The following ANKH variants were observed in gnomAD, a reference collection of about 807,000 sequenced individuals.
The protein encoded by ANKH is ANKH inorganic pyrophosphate transport regulator, also known as mineralization regulator ANKH.
A neutral mutation model predicts 49.0 loss-of-function variants in ANKH; 15 were observed. The observed-to-expected ratio is 0.31, with a 90% CI of 0.20 to 0.47. The LOEUF is 0.47. Among genes scored for constraint, ANKH ranks in the 20% least tolerant of loss-of-function variants. ANKH has a pLI of 1.00. For missense variants in ANKH, 429 were observed against 652.0 expected, an observed-to-expected ratio of 0.66 and a Z score of 3.72; for synonymous variants, 273 against 260.0, an observed-to-expected ratio of 1.05 and a Z score of -0.48.
chr5:14,860,107 T>A (rs1323793525), intron 1 of ANKH, among the ~76,000 whole-genome samples: 1 of 152,034 alleles, frequency 6.6e-6, no homozygotes, highest in Admixed American at 6.5e-5. Context: ...TGCGTGGGGG[T>A]ACAAATGAGG....
At chr5:14,728,846 C>T (rs115122589) in intron 8 of ANKH, among the ~76,000 whole-genome samples, 7,204 of 152,252 alleles carry the variant, frequency 0.047, 255 homozygotes, top group Non-Finnish European at 0.072. Flanking sequence ...CTTACTGAGA[C>T]GCAGCTGCAA....
intron 1 of ANKH, among the ~76,000 whole-genome samples, chr5:14,824,068 G>A (rs1356378223): frequency 6.6e-6 from 1 of 152,130 alleles, no homozygotes; most frequent in Non-Finnish European, 1.5e-5. Flanking sequence ...TCAGATAGCT[G>A]TGACTGCAGA....
intron 2 of ANKH, among the ~76,000 whole-genome samples, chr5:14,761,620 T>A (rs534120487): frequency 2.0e-5 from 3 of 151,932 alleles, no homozygotes; most frequent in Non-Finnish European, 4.4e-5. Flanking sequence ...TGAAGCCACT[T>A]GCTATGTGCG....
intron 1 of ANKH, among the ~76,000 whole-genome samples, chr5:14,783,160 C>G (rs939284064): frequency 6.6e-6 from 1 of 151,878 alleles, no homozygotes; most frequent in African/African-American, 2.4e-5. Flanking sequence ...TAAAAGCAGT[C>G]ATTAAACAAG....
chr5:14,711,318 AAAG>A lies in ANKH; in HGVS notation c.1366-11_1366-9del. The A allele has an allele frequency of 6.2e-7, 1 of 1,612,350 alleles. No homozygotes were observed. Among genetic ancestry groups the A allele is most frequent in the Non-Finnish European group, 8.5e-7 (1 of 1,178,420 alleles). On this transcript the variant is annotated splice_polypyrimidine_tract_variant and intron_variant, in intron 11 of 11. Coordinates refer to ENST00000284268, the MANE Select transcript of ANKH (RefSeq NM_054027.6). ...ATTCTCCATCTTCTTTTTCTAGACC[AAAG>A]AAGACTCATCAGTGTGGGGCTGTGG...
At chr5:14,744,832 A>G (rs1043202602) in intron 7 of ANKH, among the ~76,000 whole-genome samples, 4 of 152,232 alleles carry the variant, frequency 2.6e-5, no homozygotes, top group Non-Finnish European at 5.9e-5. Flanking sequence ...GCTGGTGGCC[A>G]CGTGAAGGAA....
At chr5:14,870,779 G>GAAAT in intron 1 of ANKH, 1 of 142,074 alleles carries the variant, frequency 7.0e-6, no homozygotes, top group South Asian at 2.1e-4. Context: ...AAGAAAGAAA[G>GAAAT]AAAGAAAGAA....
In ANKH at chr5:14,814,091, C is replaced by T. The variant is rs925482749; in HGVS notation, c.97-44900G>A. Among the ~76,000 whole-genome samples, 5 of 152,326 alleles carry T rather than the reference C, an allele frequency of 3.3e-5. No individual in the cohort carries two copies. The Middle Eastern group carries it at 0.01, about 311-fold the overall frequency. Reference sequence around the variant, plus strand: ...TCAGATGCTAACATCCTCGAGACAGCGTTCCATCTCACACACCAGAATCAA... The same window carrying T: ...TCAGATGCTAACATCCTCGAGACAGTGTTCCATCTCACACACCAGAATCAA... On this transcript the variant is annotated intron_variant, in intron 1 of 11. Transcript: ENST00000284268.
intron 1 of ANKH, among the ~76,000 whole-genome samples, chr5:14,772,906 C>T (rs1739493122): frequency 6.6e-6 from 1 of 152,262 alleles, no homozygotes; most frequent in Admixed American, 6.5e-5. Flanking sequence ...TAGTTCCAGT[C>T]AGCACGAAGC....
rs1050476004 is a variant in ANKH, at chr5:14,777,438, C to T, written c.97-8247G>A. Among the ~76,000 whole-genome samples, 11 of 152,240 alleles carry T rather than the reference C, an allele frequency of 7.2e-5. No individual in the cohort carries two copies. In the East Asian group the frequency reaches 2.1e-3, roughly 29 times the overall value. On this transcript the variant is annotated intron_variant, in intron 1 of 11. Transcript: ENST00000284268. ...TTTCCACAGTAAGTTAACAAAACCA[C>T]AGGATATTAAAAAGTAAAAAATATA...
chr5:14,740,783 C>T (rs1249016404), intron 8 of ANKH, among the ~76,000 whole-genome samples: 8 of 152,326 alleles, frequency 5.3e-5, no homozygotes, highest in African/African-American at 1.4e-4. Flanking sequence ...CTTGTGATGA[C>T]GGTAAGAAGG....
chr5:14,724,528 G>A, intron 8 of ANKH: 2 of 984,978 alleles, frequency 2.0e-6, no homozygotes, highest in Non-Finnish European at 2.4e-6. Flanking sequence ...GAAATCGCCA[G>A]CTTTACAGAC....
chr5:14,847,314 T>C (rs1359510028), intron 1 of ANKH, among the ~76,000 whole-genome samples: 4 of 152,146 alleles, frequency 2.6e-5, no homozygotes, highest in African/African-American at 9.7e-5. Context: ...GGTTTGGAAA[T>C]AAAGTCTCCT....
chr5:14,817,929 T>C (rs111829192), intron 1 of ANKH, among the ~76,000 whole-genome samples: 2,911 of 152,118 alleles, frequency 0.019, 70 homozygotes, highest in African/African-American at 0.053. Context: ...CCAGGCATGA[T>C]AGTGTGGGCC....
At chr5:14,730,048 A>G (rs1190588914) in intron 8 of ANKH, among the ~76,000 whole-genome samples, 3 of 152,224 alleles carry the variant, frequency 2.0e-5, no homozygotes, top group Non-Finnish European at 4.4e-5. Context: ...CAACAGAAGC[A>G]GCCCGCTGTG....
In ANKH at chr5:14,710,284, A is replaced by G. The variant is rs139302531; in HGVS notation, c.*913T>C. Reference sequence around the variant, plus strand: ...AAAGCTTCAGTTCACTGTAAAAACTAAAATGCAAAGTTAGGATGCTCCATG... The same window carrying G: ...AAAGCTTCAGTTCACTGTAAAAACTGAAATGCAAAGTTAGGATGCTCCATG... On this transcript the variant is annotated 3_prime_UTR_variant, in exon 12 of 12. Transcript: ENST00000284268. 2 of 152,370 alleles carry G rather than the reference A, an allele frequency of 1.3e-5. No homozygotes were observed. Among genetic ancestry groups the G allele is most frequent in the African/African-American group, 4.8e-5 (2 of 41,590 alleles). 9.4% of individuals were successfully genotyped at this position (152,370 alleles called of 1,614,324 possible). A position where few individuals can be genotyped will look rare whatever the true frequency, so the allele number is the denominator to read the frequency against.
intron 1 of ANKH, among the ~76,000 whole-genome samples, chr5:14,795,414 T>G (rs1246426266): frequency 6.6e-6 from 1 of 152,218 alleles, no homozygotes; most frequent in East Asian, 1.9e-4. Flanking sequence ...TTGTGGTTCT[T>G]AAACTCATCT....
intron 7 of ANKH, among the ~76,000 whole-genome samples, chr5:14,742,129 C>T (rs1338465455): frequency 6.6e-6 from 1 of 152,200 alleles, no homozygotes; most frequent in African/African-American, 2.4e-5. Flanking sequence ...TGAGTGAATT[C>T]TCGACTCAAT....
At chr5:14,801,942 A>T (rs913746790) in intron 1 of ANKH, among the ~76,000 whole-genome samples, 3 of 152,200 alleles carry the variant, frequency 2.0e-5, no homozygotes, top group Non-Finnish European at 2.9e-5. Context: ...GTGTGCACTA[A>T]CATGTCTGTA....
Sources: gnomAD v4.1 joint callset for allele counts (sites outside exome capture counted in the v4.1 genomes callset) on GRCh38, gnomAD v4.1.1 for gene constraint, MANE v1.5 for transcripts, NCBI Gene and HGNC (gene_info 2026-07-23, HGNC 2026-07-21) for gene names.